Variants in CLPB observed in about 807,000 individuals in gnomAD.
CLPB encodes the protein mitochondrial disaggregase.
In CLPB, 40 loss-of-function variants were observed where a neutral mutation model predicts 78.4. The observed-to-expected ratio is 0.51, with a 90% confidence interval of 0.40 to 0.66. The LOEUF is 0.66. CLPB is among the 30% of genes least tolerant of loss of function. The pLI, the probability that CLPB is intolerant of heterozygous loss-of-function variation, is 0.00. For missense variants in CLPB, 780 were observed against 886.9 expected, an observed-to-expected ratio of 0.88 and a Z score of 1.53; for synonymous variants, 333 against 348.0, an observed-to-expected ratio of 0.96 and a Z score of 0.48.
chr11:72,332,337 A>T (rs1489284898), intron 5 of CLPB, among the ~76,000 whole-genome samples: 1 of 151,736 alleles, frequency 6.6e-6, no homozygotes, highest in African/African-American at 2.4e-5. Flanking sequence ...AAAAAAAAAA[A>T]AATTAGCCAG....
At chr11:72,432,099 GC>G (rs1459668612) in intron 1 of CLPB, among the ~76,000 whole-genome samples, 1 of 151,990 alleles carries the variant, frequency 6.6e-6, no homozygotes, top group Non-Finnish European at 1.5e-5. Flanking sequence ...TGGCATCCAG[GC>G]CCCACTCCAT....
At chr11:72,375,773 C>A (rs1440354676) in intron 4 of CLPB, among the ~76,000 whole-genome samples, 2 of 152,216 alleles carry the variant, frequency 1.3e-5, no homozygotes, top group African/African-American at 4.8e-5. Flanking sequence ...CAGCAACTGG[C>A]AGAGTGCCTG....
At chr11:72,355,493 C>T (rs1213326630) in intron 5 of CLPB, 1 of 152,202 alleles carries the variant, frequency 6.6e-6, no homozygotes, top group African/African-American at 2.4e-5. Flanking sequence ...TACCATGTGC[C>T]TGCCAGGGGC....
rs117992720 is a variant in CLPB, at chr11:72,330,077, G to T, written c.776-273C>A. ...AAACAAATACACAGGTTAATATACC[G>T]CAGCACAAATACATGTAAACATACA... is the stretch of plus-strand genomic sequence containing the variant. On this transcript the variant is annotated intron_variant, in intron 5 of 15. Coordinates refer to ENST00000538039, the MANE Select transcript of CLPB (RefSeq NM_001258392.3). Among the ~76,000 whole-genome samples, 593 of 152,150 alleles carry T rather than the reference G, an allele frequency of 3.9e-3. 12 individuals are homozygous for T. In the East Asian group the frequency reaches 0.063, roughly 16 times the overall value.
intron 3 of CLPB, among the ~76,000 whole-genome samples, chr11:72,386,239 A>T (rs952644442): frequency 1.3e-5 from 2 of 152,124 alleles, no homozygotes; most frequent in Non-Finnish European, 2.9e-5. Flanking sequence ...GTCAGGATGA[A>T]TTTTTTTAAA....
At chr11:72,420,417 C>T (rs1444771220) in intron 2 of CLPB, among the ~76,000 whole-genome samples, 5 of 150,796 alleles carry the variant, frequency 3.3e-5, no homozygotes, top group Admixed American at 6.6e-5. Flanking sequence ...TGGCTTGAAC[C>T]CAGGAGGCAG....
At position 72,347,004 on chromosome 11, in the gene CLPB, A is replaced by AAC. The variant is rs1555095684; in HGVS notation, c.775+11875_775+11876insGT. 7.0e-3 allele frequency among the ~76,000 whole-genome samples: 1,052 copies of AAC among 150,522 alleles called. 8 individuals carry two copies. Among genetic ancestry groups the AAC allele is most frequent in the African/African-American group, 0.011 (461 of 40,572 alleles). On this transcript the variant is annotated intron_variant, in intron 5 of 15. Coordinates refer to ENST00000538039, the MANE Select transcript of CLPB (RefSeq NM_001258392.3). ...CTCAAAAATTAAAAAAAAAAAAAAAAAAAAAAGGTAAGTACCCATGAACAC... is the reference window on the plus strand; with the variant it reads ...CTCAAAAATTAAAAAAAAAAAAAAAAACAAAAAAGGTAAGTACCCATGAACAC...
Position 72,293,576 on chromosome 11 carries a change from C to G in CLPB, c.1825G>C (p.Glu609Gln). ...CAGCCCCCTGGCAGCAGGTCCTGCT[C>G]ATAGGCTGCTGCCAGCTGGTTCACC... is the stretch of plus-strand genomic sequence containing the variant. ...RVVNQLAAAY[E>Q]QDLLPGGCTL... The change falls in exon 16 of 16, where the codon GAG (glutamate) becomes CAG (glutamine). Residue 609 changes from glutamate (E) to glutamine (Q), a missense_variant. Physicochemically the swap from Glu to Gln is conservative, Grantham distance 29. Around this residue, in one of 3 missense-constraint regions of CLPB, gnomAD observed 272 missense variants for 304.0 expected, o/e 0.89. Transcript: ENST00000538039. 1 of 1,613,896 alleles carries G rather than the reference C, an allele frequency of 6.2e-7. No homozygotes were observed. The highest frequency in any genetic ancestry group is 8.5e-7 in the Non-Finnish European group (1 of 1,179,894).
chr11:72,402,818 C>T (rs1855599970), intron 3 of CLPB, 148 bp downstream of exon 3: 6 of 630,594 alleles, frequency 9.5e-6, no homozygotes, highest in Non-Finnish European at 1.4e-5. Context: ...CAGTCCAATG[C>T]ACCAGGTGAA....
At chr11:72,332,259 G>C (rs551389045) in intron 5 of CLPB, among the ~76,000 whole-genome samples, 37 of 151,494 alleles carry the variant, frequency 2.4e-4, no homozygotes, top group African/African-American at 8.7e-4. Context: ...GAGGTGGGCG[G>C]ATCACTTGAG....
chr11:72,328,177 G>C (rs1404342053), intron 6 of CLPB, among the ~76,000 whole-genome samples: 1 of 152,140 alleles, frequency 6.6e-6, no homozygotes, highest in Non-Finnish European at 1.5e-5. Context: ...AGACCCTTCA[G>C]AGCATCCTTT....
At chr11:72,331,588 T>C (rs1211284997) in intron 5 of CLPB, among the ~76,000 whole-genome samples, 1 of 141,834 alleles carries the variant, frequency 7.1e-6, no homozygotes, top group Non-Finnish European at 1.5e-5. Context: ...TTTTTTTTTT[T>C]TTTTGAGACA....
intron 9 of CLPB, 185 bp from the exon 10 acceptor site, chr11:72,302,533 G>A (rs777267891): frequency 5.0e-6 from 3 of 602,740 alleles, no homozygotes; most frequent in Middle Eastern, 2.6e-4. Context: ...CATTTCCTAC[G>A]AGTCCCTCAT....
intron 3 of CLPB, among the ~76,000 whole-genome samples, chr11:72,383,562 A>G (rs1050132683): frequency 6.6e-6 from 1 of 151,690 alleles, no homozygotes; most frequent in Non-Finnish European, 1.5e-5. Flanking sequence ...AAGATAAAGA[A>G]GGATTCTGAA....
chr11:72,407,986 T>A, intron 2 of CLPB: 1 of 733,362 alleles, frequency 1.4e-6, no homozygotes, highest in East Asian at 2.7e-5. Context: ...GGAAGGCACA[T>A]CATCTGGCTA....
intron 4 of CLPB, among the ~76,000 whole-genome samples, chr11:72,362,245 GT>G (rs775674608): frequency 4.3e-4 from 65 of 152,186 alleles, no homozygotes; most frequent in Non-Finnish European, 8.4e-4. Context: ...GGTAGTTATT[GT>G]TCCTAAGAGC....
At chr11:72,376,910 T>A (rs1245932092) in intron 4 of CLPB, among the ~76,000 whole-genome samples, 6 of 152,160 alleles carry the variant, frequency 3.9e-5, no homozygotes, top group Non-Finnish European at 5.9e-5. Flanking sequence ...CCTCAGGTGA[T>A]CTGCTTGCCT....
chr11:72,317,262 A>G (rs1949963079), intron 6 of CLPB, 42 bp from the exon 7 acceptor site: 2 of 1,419,102 alleles, frequency 1.4e-6, no homozygotes, highest in African/African-American at 1.4e-5. Flanking sequence ...TGCCGGGCCC[A>G]TAGCACCATA....
intron 5 of CLPB, chr11:72,333,003 T>C (rs1404522370): frequency 6.6e-6 from 1 of 152,238 alleles, no homozygotes; most frequent in African/African-American, 2.4e-5. Context: ...CTGGTATTTA[T>C]TGAGCACTTA....
Sources: allele counts gnomAD v4.1 joint callset (sites outside exome capture counted in the v4.1 genomes callset), GRCh38; gene constraint gnomAD v4.1.1; regional missense constraint gnomAD v4.1.1; transcripts MANE v1.5; gene names NCBI Gene and HGNC (gene_info 2026-07-23, HGNC 2026-07-21).